The following KIF1A variants were observed in gnomAD, a reference collection of about 807,000 sequenced individuals.
KIF1A encodes the protein kinesin family member 1A.
Under a neutral mutation model 227.3 loss-of-function variants are expected in KIF1A, and 46 were observed. The ratio of observed to expected loss-of-function variants is 0.20; its 90% CI spans 0.16 to 0.26. KIF1A has a LOEUF of 0.26. KIF1A is among the 10% of genes least tolerant of loss of function. KIF1A has a pLI of 1.00. For missense variants in KIF1A, 1,683 were observed against 2,485.9 expected, an observed-to-expected ratio of 0.68 and a Z score of 6.87; for synonymous variants, 1,022 against 1,012.8, an observed-to-expected ratio of 1.01 and a Z score of -0.17.
rs1161271323 is a variant in KIF1A, at chr2:240,716,510, A to C, written c.*854T>G. 1 of 152,170 alleles carries C rather than the reference A, an allele frequency of 6.6e-6. No individual in the cohort carries two copies. Among genetic ancestry groups the C allele is most frequent in the Non-Finnish European group, 1.5e-5 (1 of 68,010 alleles). The allele number at this position is 152,170 out of a possible 1,614,324, so 9.4% of individuals were successfully genotyped here. A position where few individuals can be genotyped will look rare whatever the true frequency, so the allele number is the denominator to read the frequency against. On this transcript the variant is annotated 3_prime_UTR_variant, in exon 49 of 49. Coordinates refer to ENST00000498729, the MANE Select transcript of KIF1A (RefSeq NM_001244008.2). ...CCCCGCTCCCTCCTGGTCCCCGCCC[A>C]GGACAGATCACAGCCTGGGTGCCGT...
At chr2:240,800,074 A>G (rs2056822820) in intron 1 of KIF1A, among the ~76,000 whole-genome samples, 1 of 151,466 alleles carries the variant, frequency 6.6e-6, no homozygotes, top group African/African-American at 2.4e-5. Flanking sequence ...TCTAGAAATG[A>G]CACGTGAACA....
chr2:240,724,887 C>A (rs904978382), intron 40 of KIF1A: 1 of 203,712 alleles, frequency 4.9e-6, no homozygotes, highest in Non-Finnish European at 9.5e-6. Flanking sequence ...GGCAGTCAGT[C>A]CCATGGCACA....
chr2:240,791,733 C>T (rs776369597), intron 2 of KIF1A, among the ~76,000 whole-genome samples: 191 of 152,314 alleles, frequency 1.3e-3, no homozygotes, highest in Non-Finnish European at 2.1e-3. Flanking sequence ...ACAGATGGTG[C>T]CCAAGGAATG....
At chr2:240,767,413 T>C in intron 17 of KIF1A, 68 bp from the exon 18 acceptor site, 1 of 1,298,540 alleles carries the variant, frequency 7.7e-7, no homozygotes, top group Non-Finnish European at 1.1e-6. Flanking sequence ...CACACCCCCC[T>C]CCAACCTCTC....
rs2055334812 is a variant in KIF1A, at chr2:240,789,180, C to T, written c.183+56G>A. ...CAGAGAAGTTGAGGGACCCCGAGGG[C>T]CACATGGCCTATGCACTGCTGCCCC... On this transcript the variant is annotated intron_variant, in intron 3 of 48. Coordinates refer to ENST00000498729, the MANE Select transcript of KIF1A (RefSeq NM_001244008.2). The surrounding 1 kb of genome is among the most constrained non-coding windows in gnomAD (Gnocchi z 4.8). 1.4e-5 allele frequency: 20 copies of T among 1,410,814 alleles called. No individual in the cohort carries two copies. The East Asian group carries it at 4.1e-4, about 29-fold the overall frequency. 87.4% of individuals were successfully genotyped at this position (1,410,814 alleles called of 1,614,324 possible). A position where few individuals can be genotyped will look rare whatever the true frequency, so the allele number is the denominator to read the frequency against.
intron 5 of KIF1A, among the ~76,000 whole-genome samples, chr2:240,786,744 G>GAGCCAGCATCAGGA (rs1406812678): frequency 1.9e-5 from 1 of 52,782 alleles, no homozygotes; most frequent in African/African-American, 8.2e-5. Flanking sequence ...TGCCTGCTGG[G>GAGCCAGCATCAGGA]CCCCTGAGTG....
intron 2 of KIF1A, among the ~76,000 whole-genome samples, chr2:240,795,885 T>C (rs1468816216): frequency 6.6e-6 from 1 of 152,192 alleles, no homozygotes; most frequent in Non-Finnish European, 1.5e-5. Flanking sequence ...TGTTCTTCCA[T>C]CCACTCTGCT....
At chr2:240,811,410 GA>G (rs2126230108) in intron 1 of KIF1A, among the ~76,000 whole-genome samples, 1 of 152,340 alleles carries the variant, frequency 6.6e-6, no homozygotes, top group South Asian at 2.1e-4. Flanking sequence ...CTATCTTCAA[GA>G]AGTTGTTCTG....
chr2:240,747,402 C>T (rs1198549223), intron 28 of KIF1A, 81 bp from the exon 29 acceptor site: 8 of 1,118,714 alleles, frequency 7.2e-6, no homozygotes, highest in African/African-American at 1.6e-5. Flanking sequence ...TGGGCCACCC[C>T]GCAGTCAAAG....
At chr2:240,798,699 G>A (rs190188869) in intron 1 of KIF1A, among the ~76,000 whole-genome samples, 8 of 152,326 alleles carry the variant, frequency 5.3e-5, no homozygotes, top group African/African-American at 1.4e-4. Context: ...AGGTCTTTCC[G>A]GGCTGACCAG....
At chr2:240,779,838 C>T (rs1477336380) in intron 10 of KIF1A, among the ~76,000 whole-genome samples, 1 of 152,200 alleles carries the variant, frequency 6.6e-6, no homozygotes, top group East Asian at 1.9e-4. Context: ...CAGCCGCATG[C>T]ACTGCCTCCC....
At position 240,736,755 on chromosome 2, in the gene KIF1A, C is replaced by T. The variant is rs957898306; in HGVS notation, c.4007+308G>A. 1.6e-4 allele frequency among the ~76,000 whole-genome samples: 24 copies of T among 152,212 alleles called. No individual in the cohort carries two copies. Among genetic ancestry groups the T allele is most frequent in the African/African-American group, 5.5e-4 (23 of 41,452 alleles). ...GACATACAGCCACTTGTCCCCACACCACGCAACCACAAAACTCCCGAGGAC... is the reference window on the plus strand; with the variant it reads ...GACATACAGCCACTTGTCCCCACACTACGCAACCACAAAACTCCCGAGGAC... On this transcript the variant is annotated intron_variant, in intron 38 of 48. Transcript: ENST00000498729. This position sits in a 1 kb window ranked among gnomAD's most constrained non-coding sequence, Gnocchi z 4.7.
intron 12 of KIF1A, among the ~76,000 whole-genome samples, chr2:240,773,922 G>C: frequency 6.6e-6 from 1 of 152,202 alleles, no homozygotes; most frequent in East Asian, 1.9e-4. Flanking sequence ...AGCAGGCACA[G>C]CTCTCCCAGT....
intron 38 of KIF1A, among the ~76,000 whole-genome samples, chr2:240,735,814 C>A (rs538918923): frequency 5.3e-4 from 81 of 152,298 alleles, no homozygotes; most frequent in African/African-American, 1.9e-3. Context: ...ACCTCTCCCT[C>A]TCCCAGACGT....
chr2:240,772,891 A>G (rs1261201404), intron 13 of KIF1A, among the ~76,000 whole-genome samples: 1 of 152,194 alleles, frequency 6.6e-6, no homozygotes. Context: ...GCCCTTGTCC[A>G]GGGCCCCCGC....
chr2:240,786,647 C>T (rs570812154), intron 5 of KIF1A, 134 bp from the exon 6 acceptor site: 4 of 727,894 alleles, frequency 5.5e-6, no homozygotes, highest in African/African-American at 5.4e-5. Flanking sequence ...GCCATCAGGA[C>T]CCCTGAGTGA....
intron 7 of KIF1A, 114 bp from the exon 8 acceptor site, chr2:240,783,930 T>C: frequency 1.3e-6 from 1 of 797,820 alleles, no homozygotes; most frequent in Admixed American, 2.1e-5. Context: ...AAGCGTCCCC[T>C]CTGCAAGGCG....
intron 1 of KIF1A, among the ~76,000 whole-genome samples, chr2:240,819,147 G>T (rs1044927698): frequency 6.6e-6 from 1 of 151,972 alleles, no homozygotes; most frequent in African/African-American, 2.4e-5. Context: ...CCCTCCCGGC[G>T]GGGATGCTGC....
intron 1 of KIF1A, among the ~76,000 whole-genome samples, chr2:240,816,498 G>A (rs2058336544): frequency 2.0e-5 from 3 of 152,094 alleles, no homozygotes; most frequent in East Asian, 1.9e-4. Context: ...GATGCCTGGA[G>A]AGCCAGGCAC....
Sources: allele counts gnomAD v4.1 joint callset (sites outside exome capture counted in the v4.1 genomes callset), GRCh38; gene constraint gnomAD v4.1.1; non-coding constraint Gnocchi (gnomAD v3.1); transcripts MANE v1.5; gene names NCBI Gene and HGNC (gene_info 2026-07-23, HGNC 2026-07-21).